FMN1: variants seen among roughly 807,000 people sequenced by gnomAD.
FMN1 encodes the protein formin 1.
In FMN1, 110 loss-of-function variants were observed where a neutral mutation model predicts 132.4. The ratio of observed to expected loss-of-function variants is 0.83; its 90% CI spans 0.71 to 0.97. The LOEUF (loss-of-function observed/expected upper bound fraction) is 0.97. FMN1 is among the 50% of genes least tolerant of loss of function. The probability of loss-of-function intolerance (pLI) is 0.00; values close to 1 mark genes in which losing one functional copy is unlikely to be tolerated. For missense variants in FMN1, 1,792 were observed against 1,705.3 expected (o/e 1.05, Z -0.90); for synonymous variants, 722 against 651.7 (o/e 1.11, Z -1.64).
At chr15:33,161,635 A>AAC (rs2140301232) in intron 3 of FMN1, among the ~76,000 whole-genome samples, 1 of 152,208 alleles carries the variant, frequency 6.6e-6, no homozygotes, top group South Asian at 2.1e-4. Flanking sequence ...AAAACAAAGG[A>AAC]AGGCTGGGCG....
chr15:33,048,147 C>T (rs1200030444), intron 6 of FMN1, among the ~76,000 whole-genome samples: 5 of 151,750 alleles, frequency 3.3e-5, no homozygotes, highest in African/African-American at 1.2e-4. Context: ...TAAACGTGGT[C>T]TAAATTATGC....
At chr15:32,855,218 C>T (rs1038013741) in intron 17 of FMN1, among the ~76,000 whole-genome samples, 1 of 151,296 alleles carries the variant, frequency 6.6e-6, no homozygotes, top group Non-Finnish European at 1.5e-5. Context: ...TGGCCCCACC[C>T]TGAGAGATGC....
chr15:33,126,679 T>G (rs1346522662), intron 4 of FMN1, among the ~76,000 whole-genome samples: 1 of 97,712 alleles, frequency 1.0e-5, no homozygotes, highest in Admixed American at 1.2e-4. Flanking sequence ...TGGGACCAAC[T>G]CAGCAGACAG....
intron 6 of FMN1, among the ~76,000 whole-genome samples, chr15:33,049,787 T>C (rs1184473026): frequency 6.6e-6 from 1 of 152,212 alleles, no homozygotes; most frequent in Admixed American, 6.5e-5. Context: ...CTCTAATTAA[T>C]CCCGTTGCTT....
chr15:33,108,326 G>A (rs1427623606), intron 4 of FMN1, among the ~76,000 whole-genome samples: 2 of 152,040 alleles, frequency 1.3e-5, no homozygotes, highest in African/African-American at 4.8e-5. Flanking sequence ...AAAGCTAAAG[G>A]ACATGCTGCA....
At chr15:33,025,763 G>T (rs1489809602) in intron 6 of FMN1, among the ~76,000 whole-genome samples, 2 of 152,062 alleles carry the variant, frequency 1.3e-5, no homozygotes, top group African/African-American at 4.8e-5. Flanking sequence ...CACAGATAAG[G>T]CTCCACATCA....
intron 7 of FMN1, among the ~76,000 whole-genome samples, chr15:32,992,547 C>A (rs367588805): frequency 6.6e-6 from 1 of 151,970 alleles, no homozygotes; most frequent in Admixed American, 6.6e-5. Context: ...TCTTAGTTTA[C>A]AAACTTAAGA....
chr15:32,817,337 C>A (rs1194612427), intron 17 of FMN1, among the ~76,000 whole-genome samples: 2 of 152,180 alleles, frequency 1.3e-5, no homozygotes, highest in Non-Finnish European at 2.9e-5. Context: ...GCCACAGAAC[C>A]CGACAAAAGT....
At chr15:32,827,844 A>G (rs1417585362) in intron 17 of FMN1, among the ~76,000 whole-genome samples, 1 of 151,732 alleles carries the variant, frequency 6.6e-6, no homozygotes. Context: ...ACTCCGTCTC[A>G]AGAAAAAAAA....
chr15:32,840,186 T>C (rs2058715539), intron 17 of FMN1, among the ~76,000 whole-genome samples: 1 of 152,196 alleles, frequency 6.6e-6, no homozygotes, highest in African/African-American at 2.4e-5. Context: ...CTCTTGCCAC[T>C]GTTGTTTTAG....
At chr15:32,925,894 G>A (rs1341487874) in intron 10 of FMN1, among the ~76,000 whole-genome samples, 4 of 152,112 alleles carry the variant, frequency 2.6e-5, no homozygotes, top group Non-Finnish European at 4.4e-5. Context: ...AACCCCACCT[G>A]TAAAACAAAT....
intron 3 of FMN1, among the ~76,000 whole-genome samples, chr15:33,158,985 C>A (rs930154788): frequency 2.0e-5 from 3 of 152,112 alleles, no homozygotes; most frequent in Non-Finnish European, 4.4e-5. Flanking sequence ...TCAAGACCAG[C>A]CTGACCAACA....
At chr15:32,888,561 G>A (rs2059949228) in intron 15 of FMN1, among the ~76,000 whole-genome samples, 1 of 152,166 alleles carries the variant, frequency 6.6e-6, no homozygotes, top group Admixed American at 6.5e-5. Context: ...AGAGAAAATT[G>A]TCAGGTCGTC....
At chr15:33,033,116 T>C (rs758927878) in intron 6 of FMN1, among the ~76,000 whole-genome samples, 31 of 151,874 alleles carry the variant, frequency 2.0e-4, no homozygotes, top group Admixed American at 2.6e-4. Flanking sequence ...CTGCAAGCTC[T>C]GCCTCCTGGG....
At chr15:32,913,326 C>T (rs11634576) in intron 10 of FMN1, among the ~76,000 whole-genome samples, 63,387 of 152,018 alleles carry the variant, frequency 0.42, 13,653 homozygotes, top group African/African-American at 0.53. Context: ...ACCAAGGTTA[C>T]TTTTTAAAAA....
At chr15:32,870,612 G>A (rs1451599120) in intron 16 of FMN1, among the ~76,000 whole-genome samples, 4 of 152,180 alleles carry the variant, frequency 2.6e-5, no homozygotes, top group African/African-American at 7.2e-5. Flanking sequence ...CCTACCAAAC[G>A]TCACAGCTGA....
At chr15:32,898,625 C>G (rs1031097476) in intron 15 of FMN1, among the ~76,000 whole-genome samples, 3 of 152,172 alleles carry the variant, frequency 2.0e-5, no homozygotes, top group African/African-American at 7.2e-5. Context: ...TCGATTGAGA[C>G]TCAGTAGATT....
chr15:33,171,620 A>T (rs1965324266), intron 3 of FMN1, among the ~76,000 whole-genome samples: 1 of 152,190 alleles, frequency 6.6e-6, no homozygotes, highest in Non-Finnish European at 1.5e-5. Context: ...TTAATTATTA[A>T]TGGAGGAAAA....
chr15:33,128,381 G>A (rs764626371), intron 4 of FMN1, among the ~76,000 whole-genome samples: 30 of 152,180 alleles, frequency 2.0e-4, no homozygotes, highest in Middle Eastern at 3.4e-3. Flanking sequence ...GCCTCTCTCC[G>A]AACTCCAACT....
Sources: allele counts gnomAD v4.1 joint callset (sites outside exome capture counted in the v4.1 genomes callset), GRCh38; gene constraint gnomAD v4.1.1; transcripts MANE v1.5; gene names NCBI Gene and HGNC (gene_info 2026-07-23, HGNC 2026-07-21).